CREBZF: variants seen among roughly 807,000 people sequenced by gnomAD.
CREBZF encodes HCF-binding transcription factor Zhangfei.
CREBZF carries 8 observed loss-of-function variants against 21.1 expected under a neutral mutation model. The observed-to-expected ratio is 0.38, with a 90% confidence interval of 0.22 to 0.68. The LOEUF is 0.68. Among genes scored for constraint, CREBZF ranks in the 30% least tolerant of loss-of-function variants. The probability of loss-of-function intolerance (pLI) is 0.51; values close to 1 mark genes in which losing one functional copy is unlikely to be tolerated. For missense variants in CREBZF, 518 were observed against 484.3 expected (o/e 1.07, Z -0.65); for synonymous variants, 270 against 223.3 (o/e 1.21, Z -1.86).
At chr11:85,675,404 C>T (rs1034077157) in intron 1 of CREBZF, among the ~76,000 whole-genome samples, 3 of 152,000 alleles carry the variant, frequency 2.0e-5, no homozygotes, top group Non-Finnish European at 2.9e-5. Flanking sequence ...TAAGCAGACC[C>T]AAGGAGAGGG....
upstream of CREBZF, among the ~76,000 whole-genome samples, chr11:85,670,008 C>T (rs2082900952): frequency 6.6e-6 from 1 of 152,014 alleles, no homozygotes; most frequent in African/African-American, 2.4e-5. Flanking sequence ...GGGGTTTCAC[C>T]ATGTTGGCTA....
At chr11:85,680,112 A>T (rs1187510630) in intron 1 of CREBZF, among the ~76,000 whole-genome samples, 4 of 152,154 alleles carry the variant, frequency 2.6e-5, no homozygotes, top group Non-Finnish European at 5.9e-5. Context: ...ATGCAGCTGG[A>T]AATGTTTGCA....
chr11:85,672,487 T>C (rs1427563164), intron 1 of CREBZF, among the ~76,000 whole-genome samples: 1 of 152,244 alleles, frequency 6.6e-6, no homozygotes, highest in African/African-American at 2.4e-5. Context: ...TTTTCCAAAC[T>C]TTTGTGTTGT....
chr11:85,676,886 C>A (rs939907121), intron 1 of CREBZF, among the ~76,000 whole-genome samples: 2 of 150,678 alleles, frequency 1.3e-5, no homozygotes, highest in African/African-American at 4.9e-5. Flanking sequence ...TCAAGCAATC[C>A]GCTTGCCTCG....
At chr11:85,680,621 G>A (rs1258377914) in intron 1 of CREBZF, among the ~76,000 whole-genome samples, 3 of 152,196 alleles carry the variant, frequency 2.0e-5, no homozygotes, top group African/African-American at 7.2e-5. Context: ...ATAAACAGAA[G>A]GTTTTAGAGA....
intron 1 of CREBZF, among the ~76,000 whole-genome samples, chr11:85,670,549 G>A (rs956187364): frequency 9.2e-5 from 14 of 151,954 alleles, no homozygotes; most frequent in Non-Finnish European, 1.2e-4. Context: ...TGATCCACCC[G>A]CCTCGGCCTT....
upstream of CREBZF, among the ~76,000 whole-genome samples, chr11:85,669,814 G>C (rs2082899532): frequency 1.3e-5 from 2 of 152,058 alleles, no homozygotes; most frequent in African/African-American, 4.8e-5. Flanking sequence ...TTGTTTGTTT[G>C]TTTGTTTGTT....
chr11:85,677,689 A>G (rs1409866444), intron 1 of CREBZF, among the ~76,000 whole-genome samples: 1 of 152,208 alleles, frequency 6.6e-6, no homozygotes, highest in East Asian at 1.9e-4. Flanking sequence ...TGCTCTGCAT[A>G]CTGTATTGCA....
chr11:85,666,993 A>G (rs471226), upstream of CREBZF, among the ~76,000 whole-genome samples: 131,002 of 152,276 alleles, frequency 0.86, 56,901 homozygotes, highest in East Asian at 1. Flanking sequence ...CCATCCAACT[A>G]CATTTTCCCC....
chr11:85,680,770 C>T (rs2082971550), intron 1 of CREBZF, among the ~76,000 whole-genome samples: 1 of 152,166 alleles, frequency 6.6e-6, no homozygotes, highest in Admixed American at 6.5e-5. Flanking sequence ...AGCCACTTCC[C>T]CAAATTCCAA....
At chr11:85,682,268 G>T (rs1465167225) in intron 1 of CREBZF, among the ~76,000 whole-genome samples, 2 of 152,020 alleles carry the variant, frequency 1.3e-5, no homozygotes, top group Admixed American at 1.3e-4. Context: ...TTGAAAAGTT[G>T]TTATGAGGGT....
chr11:85,675,879 A>G (rs892252262), intron 1 of CREBZF, among the ~76,000 whole-genome samples: 1 of 152,186 alleles, frequency 6.6e-6, no homozygotes, highest in Non-Finnish European at 1.5e-5. Flanking sequence ...TGAAGAAATC[A>G]GGTGATTGAC....
upstream of CREBZF, among the ~76,000 whole-genome samples, chr11:85,670,117 T>G (rs1441242254): frequency 1.3e-5 from 2 of 152,082 alleles, no homozygotes; most frequent in East Asian, 3.9e-4. Flanking sequence ...TAATTACATG[T>G]TGTAAATACA....
At chr11:85,670,269 A>AG (rs2082902791) in intron 1 of CREBZF, among the ~76,000 whole-genome samples, 1 of 63,488 alleles carries the variant, frequency 1.6e-5, no homozygotes, top group Non-Finnish European at 3.0e-5. Flanking sequence ...TAACACTTTA[A>AG]TCCCCCCCCC....
intron 1 of CREBZF, among the ~76,000 whole-genome samples, chr11:85,679,548 A>G (rs572792240): frequency 1.3e-5 from 2 of 152,392 alleles, no homozygotes; most frequent in East Asian, 1.9e-4. Context: ...CATAAAAACA[A>G]AAATGAATAC....
At position 85,662,492 on chromosome 11, in the gene CREBZF, G is replaced by T. The variant is rs781411488; in HGVS notation, c.*1319C>A. 21 of 708,378 alleles carry T rather than the reference G, an allele frequency of 3.0e-5. 1 individual carries two copies. In the South Asian group the frequency reaches 3.2e-4, roughly 11 times the overall value. 43.9% of individuals were successfully genotyped at this position (708,378 alleles called of 1,614,324 possible). A position where few individuals can be genotyped will look rare whatever the true frequency, so the allele number is the denominator to read the frequency against. ...AAAGAAAAACAAGGATGCTAAATAC[G>T]TATATACTTTATCAAGCAGTGATGT... On this transcript the variant is annotated 3_prime_UTR_variant, in exon 1 of 1. Coordinates refer to ENST00000527447, the MANE Select transcript of CREBZF (RefSeq NM_001039618.4).
intron 1 of CREBZF, among the ~76,000 whole-genome samples, chr11:85,676,693 G>C (rs1184475923): frequency 4.0e-5 from 6 of 151,686 alleles, no homozygotes; most frequent in Admixed American, 6.6e-5. Context: ...CTGGACTGCA[G>C]TAGCTCAAAC....
upstream of CREBZF, among the ~76,000 whole-genome samples, chr11:85,669,654 C>T (rs556887540): frequency 6.6e-6 from 1 of 152,278 alleles, no homozygotes; most frequent in South Asian, 2.1e-4. Flanking sequence ...ATGGACAATT[C>T]TCTGAGGAAA....
chr11:85,660,750 C>A lies in CREBZF; in HGVS notation c.*3061G>T. On this transcript the variant is annotated 3_prime_UTR_variant, in exon 1 of 1. Transcript: ENST00000527447. ...TAAGATAAGTCTGGTCAAAGAAGTGCAGAAACAGTAAGTCAATATGATAGA... is the reference window on the plus strand; with the variant it reads ...TAAGATAAGTCTGGTCAAAGAAGTGAAGAAACAGTAAGTCAATATGATAGA... 6.0e-6 allele frequency: 2 copies of A among 334,298 alleles called. No individual in the cohort carries two copies. The highest frequency in any genetic ancestry group is 1.2e-5 in the Non-Finnish European group (2 of 173,326). The allele number at this position is 334,298 out of a possible 1,614,324, so 20.7% of individuals were successfully genotyped here.
Sources: allele counts gnomAD v4.1 joint callset (sites outside exome capture counted in the v4.1 genomes callset), GRCh38; gene constraint gnomAD v4.1.1; transcripts MANE v1.5; gene names NCBI Gene and HGNC (gene_info 2026-07-23, HGNC 2026-07-21).